SNX29: variants seen among roughly 807,000 people sequenced by gnomAD.
The protein encoded by SNX29 is sorting nexin-29.
Under a neutral mutation model 102.1 loss-of-function variants are expected in SNX29, and 78 were observed. That is an observed-to-expected ratio of 0.76 (90% CI 0.64 to 0.92). The LOEUF is 0.92. SNX29 is among the 40% of genes least tolerant of loss of function. The probability of loss-of-function intolerance (pLI) is 0.00; values close to 1 mark genes in which losing one functional copy is unlikely to be tolerated. For missense variants in SNX29, 1,280 were observed against 1,061.7 expected (o/e 1.21, Z -2.86); for synonymous variants, 580 against 414.5 (o/e 1.40, Z -4.85).
chr16:12,172,679 C>T (rs1181043753), intron 13 of SNX29, among the ~76,000 whole-genome samples: 1 of 152,184 alleles, frequency 6.6e-6, no homozygotes, highest in Non-Finnish European at 1.5e-5. Flanking sequence ...TTGTCATTGT[C>T]ATTAACATGA....
At chr16:12,327,428 C>T (rs138714002) in intron 15 of SNX29, among the ~76,000 whole-genome samples, 8 of 152,166 alleles carry the variant, frequency 5.3e-5, no homozygotes, top group Non-Finnish European at 7.4e-5. Flanking sequence ...ATCAAGGTGT[C>T]GGCAGGGTTG....
chr16:12,540,406 A>G (rs758466134), intron 20 of SNX29, among the ~76,000 whole-genome samples: 11 of 152,228 alleles, frequency 7.2e-5, no homozygotes, highest in African/African-American at 2.4e-4. Flanking sequence ...GTTAGTGGCT[A>G]AAAACTACAG....
intron 16 of SNX29, among the ~76,000 whole-genome samples, chr16:12,380,834 C>T (rs1567503351): frequency 2.0e-4 from 16 of 78,694 alleles, no homozygotes; most frequent in Admixed American, 2.4e-4. Context: ...CATCCACCCA[C>T]CCACCCACCC....
intron 18 of SNX29, among the ~76,000 whole-genome samples, chr16:12,476,944 C>CT (rs1221062963): frequency 3.9e-5 from 6 of 152,178 alleles, no homozygotes; most frequent in Non-Finnish European, 7.4e-5. Flanking sequence ...TCCTTGGGGA[C>CT]TTTTCTCTCT....
chr16:11,992,030 C>T (rs2055873697), intron 1 of SNX29, among the ~76,000 whole-genome samples: 1 of 152,114 alleles, frequency 6.6e-6, no homozygotes, highest in Admixed American at 6.6e-5. Flanking sequence ...AGTGGTAGCT[C>T]ACACCTGTAA....
chr16:12,537,290 CAT>C (rs1491418746), intron 20 of SNX29, among the ~76,000 whole-genome samples: 3 of 152,172 alleles, frequency 2.0e-5, no homozygotes, highest in East Asian at 3.9e-4. Flanking sequence ...TAGTGTGGTA[CAT>C]GTTTGGATTT....
In SNX29 at chr16:12,387,083, C is replaced by T. The variant is rs568428336; in HGVS notation, c.1900-11363C>T. Among the ~76,000 whole-genome samples the T allele has an allele frequency of 4.0e-5, 6 of 151,630 alleles. No individual in the cohort carries two copies. In the South Asian group the frequency reaches 1.3e-3, roughly 32 times the overall value. ...GAGGCTGCAGTGAGCCGAGATTGTG[C>T]CACTGTATTCCAGCCTGGGCGACAG... is the stretch of plus-strand genomic sequence containing the variant. On this transcript the variant is annotated intron_variant, in intron 16 of 20. Coordinates refer to ENST00000566228, the MANE Select transcript of SNX29 (RefSeq NM_032167.5).
chr16:11,981,777 A>G (rs991568759), intron 1 of SNX29, among the ~76,000 whole-genome samples: 2 of 152,192 alleles, frequency 1.3e-5, no homozygotes, highest in Non-Finnish European at 2.9e-5. Context: ...AACAACTAAG[A>G]TGACCATTAA....
intron 20 of SNX29, among the ~76,000 whole-genome samples, chr16:12,555,579 T>C (rs1298540085): frequency 6.6e-6 from 1 of 151,786 alleles, no homozygotes; most frequent in African/African-American, 2.4e-5. Flanking sequence ...CTCACCTCCA[T>C]TTCTCCCTGT....
Position 12,490,385 on chromosome 16 carries a change from T to G in SNX29, c.2178+12526T>G, listed in dbSNP as rs148648983. ...GTTGTTGCAAGTAGCAATTGTTGGT[T>G]CATTTTCATTGCTCTGTAATAGTCC... is the stretch of plus-strand genomic sequence containing the variant. On this transcript the variant is annotated intron_variant, in intron 19 of 20. Coordinates refer to ENST00000566228, the MANE Select transcript of SNX29 (RefSeq NM_032167.5). Among the ~76,000 whole-genome samples the G allele has an allele frequency of 1.9e-3, 291 of 152,374 alleles. 2 individuals carry two copies. Among genetic ancestry groups the G allele is most frequent in the African/African-American group, 6.9e-3 (288 of 41,588 alleles).
intron 13 of SNX29, among the ~76,000 whole-genome samples, chr16:12,146,742 T>C (rs978906735): frequency 1.3e-5 from 2 of 152,156 alleles, no homozygotes; most frequent in Non-Finnish European, 2.9e-5. Context: ...CGTTTTTCTT[T>C]TGGGATTAAT....
At chr16:11,979,389 T>C (rs2055368531) in intron 1 of SNX29, among the ~76,000 whole-genome samples, 2 of 151,408 alleles carry the variant, frequency 1.3e-5, no homozygotes, top group Admixed American at 1.3e-4. Context: ...TTTGGAAACA[T>C]TGTAATTGAG....
At position 12,487,525 on chromosome 16, in the gene SNX29, A is replaced by G. The variant is rs1597574804; in HGVS notation, c.2178+9666A>G. On this transcript the variant is annotated intron_variant, in intron 19 of 20. Coordinates refer to ENST00000566228, the MANE Select transcript of SNX29 (RefSeq NM_032167.5). ...TAGCTTGTAAGTGCCGGAGCCAGGA[A>G]TTGAGCCGAACTCTGCAAATGCCGC... 2.6e-5 allele frequency among the ~76,000 whole-genome samples: 4 copies of G among 152,170 alleles called. No homozygotes were observed. In the South Asian group the frequency reaches 8.3e-4, roughly 32 times the overall value.
chr16:12,500,506 T>A lies in SNX29; in HGVS notation c.2178+22647T>A, dbSNP rs183808153. ...TTGCTGTCAACCCCATGCCGTTATG[T>A]GGATGAGCAAAGAACACAGTGGTGA... On this transcript the variant is annotated intron_variant, in intron 19 of 20. Transcript: ENST00000566228. Among the ~76,000 whole-genome samples, 40 of 152,360 alleles carry A rather than the reference T, an allele frequency of 2.6e-4. 1 individual carries two copies. Among genetic ancestry groups the A allele is most frequent in the Middle Eastern group, 3.4e-3 (1 of 294 alleles).
chr16:12,549,578 C>T (rs561137160), intron 20 of SNX29, among the ~76,000 whole-genome samples: 2 of 152,300 alleles, frequency 1.3e-5, no homozygotes, highest in Admixed American at 6.5e-5. Context: ...GGACCCCAGC[C>T]CTAAGACCTG....
intron 16 of SNX29, among the ~76,000 whole-genome samples, chr16:12,391,492 G>T (rs542800690): frequency 1.7e-3 from 258 of 152,266 alleles, no homozygotes; most frequent in African/African-American, 5.9e-3. Context: ...CCAGGATTTT[G>T]CTTGAAATTT....
chr16:11,995,560 C>A (rs1358130055), intron 1 of SNX29, among the ~76,000 whole-genome samples: 1 of 151,224 alleles, frequency 6.6e-6, no homozygotes, highest in Non-Finnish European at 1.5e-5. Flanking sequence ...TCCCCCCCCA[C>A]CCCATCATGA....
chr16:12,263,801 C>A (rs1414261139), intron 14 of SNX29, among the ~76,000 whole-genome samples: 1 of 152,144 alleles, frequency 6.6e-6, no homozygotes, highest in East Asian at 1.9e-4. Context: ...CAGTCAGGCT[C>A]AAGTGAGGTA....
chr16:12,159,461 A>T (rs919420431), intron 13 of SNX29, among the ~76,000 whole-genome samples: 6 of 152,212 alleles, frequency 3.9e-5, no homozygotes, highest in African/African-American at 1.4e-4. Context: ...GTTTCTCCCT[A>T]AAGCTTTTGC....
Sources: allele counts gnomAD v4.1 joint callset (sites outside exome capture counted in the v4.1 genomes callset), GRCh38; gene constraint gnomAD v4.1.1; transcripts MANE v1.5; gene names NCBI Gene and HGNC (gene_info 2026-07-23, HGNC 2026-07-21).